Variants in DOCK7 observed in about 807,000 individuals in gnomAD.
DOCK7 encodes dedicator of cytokinesis 7, also known as dedicator of cytokinesis protein 7.
DOCK7 carries 138 observed loss-of-function variants against 271.0 expected under a neutral mutation model. That is an observed-to-expected ratio of 0.51 (90% CI 0.44 to 0.59). DOCK7 has a LOEUF of 0.59. Ranked by LOEUF, DOCK7 falls within the 20% of genes least tolerant of loss-of-function variation. The probability of loss-of-function intolerance (pLI) is 0.00; values close to 1 mark genes in which losing one functional copy is unlikely to be tolerated. For missense variants in DOCK7, 2,066 were observed against 2,592.4 expected, an observed-to-expected ratio of 0.80 and a Z score of 4.41; for synonymous variants, 823 against 876.1, an observed-to-expected ratio of 0.94 and a Z score of 1.07.
chr1:62,684,133 C>T (rs1175730669), intron 1 of DOCK7, among the ~76,000 whole-genome samples: 2 of 151,144 alleles, frequency 1.3e-5, no homozygotes, highest in South Asian at 2.1e-4. Flanking sequence ...CGCCTGAACC[C>T]GGGGCAGTGG....
chr1:62,612,446 A>G (rs888011972), intron 14 of DOCK7, among the ~76,000 whole-genome samples: 4 of 152,168 alleles, frequency 2.6e-5, no homozygotes, highest in Admixed American at 2.0e-4. Flanking sequence ...TAAAACCTAG[A>G]TAACAGATTG....
intron 16 of DOCK7, among the ~76,000 whole-genome samples, chr1:62,582,606 A>ACC (rs1557754286): frequency 1.2e-4 from 17 of 141,032 alleles, no homozygotes; most frequent in Admixed American, 2.2e-4. Context: ...TGGGCCCCAA[A>ACC]AAAAAAAAGA....
chr1:62,628,299 GACAGGT>G (rs1433350490), intron 11 of DOCK7: 3 of 152,214 alleles, frequency 2.0e-5, no homozygotes, highest in Admixed American at 6.5e-5. Context: ...TAACAGGCAG[GACAGGT>G]ACCTGTCCGC....
At chr1:62,462,421 A>G (rs1407044433) in intron 48 of DOCK7, among the ~76,000 whole-genome samples, 2 of 152,254 alleles carry the variant, frequency 1.3e-5, no homozygotes, top group Non-Finnish European at 2.9e-5. Flanking sequence ...AGAGAGCATG[A>G]CATTAGCTGA....
chr1:62,460,591 T>C (rs1259576487), intron 48 of DOCK7, among the ~76,000 whole-genome samples: 3 of 137,140 alleles, frequency 2.2e-5, no homozygotes, highest in African/African-American at 8.2e-5. Context: ...AGAAAACTTG[T>C]GCCAATGTAT....
At chr1:62,661,060 T>C (rs1054659547) in intron 2 of DOCK7, among the ~76,000 whole-genome samples, 1 of 148,246 alleles carries the variant, frequency 6.7e-6, no homozygotes, top group Non-Finnish European at 1.5e-5. Context: ...GATGGTACCA[T>C]GGTACTCAGC....
intron 21 of DOCK7, among the ~76,000 whole-genome samples, chr1:62,554,567 T>C (rs1005663052): frequency 3.3e-5 from 5 of 151,370 alleles, no homozygotes; most frequent in Admixed American, 6.6e-5. Flanking sequence ...CTTTTATTTT[T>C]AAAATAAAAC....
At chr1:62,531,902 A>G (rs7550306) in intron 29 of DOCK7, among the ~76,000 whole-genome samples, 5 of 152,194 alleles carry the variant, frequency 3.3e-5, no homozygotes, top group African/African-American at 1.2e-4. Context: ...ACTGAACAAG[A>G]AAGACAAGGT....
At chr1:62,650,932 A>G (rs1657263230) in intron 4 of DOCK7, among the ~76,000 whole-genome samples, 1 of 152,216 alleles carries the variant, frequency 6.6e-6, no homozygotes, top group African/African-American at 2.4e-5. Flanking sequence ...TGACCCAGCC[A>G]TCCCATTACT....
At chr1:62,589,700 A>G (rs1571669309) in intron 14 of DOCK7, among the ~76,000 whole-genome samples, 2 of 152,102 alleles carry the variant, frequency 1.3e-5, no homozygotes, top group African/African-American at 4.8e-5. Context: ...TTTTTACTTA[A>G]TCTTTTCTGT....
chr1:62,503,119 T>A (rs1571317836), intron 37 of DOCK7, among the ~76,000 whole-genome samples: 1 of 152,124 alleles, frequency 6.6e-6, no homozygotes, highest in South Asian at 2.1e-4. Flanking sequence ...ACAGTAGTTA[T>A]GAGTATTAGT....
Position 62,618,829 on chromosome 1 carries a change from G to C in DOCK7, c.1559C>G (p.Pro520Arg). 6.2e-7 allele frequency: 1 copy of C among 1,613,698 alleles called. No homozygotes were observed. Among genetic ancestry groups the C allele is most frequent in the Non-Finnish European group, 8.5e-7 (1 of 1,179,748 alleles). The change falls in exon 14 of 50, where the codon CCC becomes CGC. Residue 520 changes from proline (P) to arginine (R), a missense_variant. This residue lies in a region of DOCK7 where 1,414 missense variants were observed against 1,670.4 expected (regional missense o/e 0.85). Coordinates refer to ENST00000635253, the MANE Select transcript of DOCK7 (RefSeq NM_001367561.1). ...CAGCTCCGGAGTTAGGCAATAATGG[G>C]GATTTTCAGGTGCGGGAGAAATGTC... is the stretch of plus-strand genomic sequence containing the variant. ...KIDISPAPEN[P>R]HYCLTPELLQ... is the part of the protein sequence containing the mutation.
chr1:62,612,219 T>C (rs1651884178), intron 14 of DOCK7, among the ~76,000 whole-genome samples: 3 of 152,070 alleles, frequency 2.0e-5, no homozygotes. Context: ...TCAAGTGAAA[T>C]GATAGGATGT....
intron 39 of DOCK7, 34 bp from the exon 40 acceptor site, chr1:62,494,501 G>A (rs752914882): frequency 5.1e-6 from 8 of 1,563,870 alleles, no homozygotes; most frequent in Non-Finnish European, 7.0e-6. Flanking sequence ...CCATTAGTAT[G>A]TGCTTCCCAA....
chr1:62,469,566 G>A (rs1645770862), intron 48 of DOCK7, among the ~76,000 whole-genome samples: 1 of 152,128 alleles, frequency 6.6e-6, no homozygotes, highest in Non-Finnish European at 1.5e-5. Flanking sequence ...AAATAGGCAG[G>A]ACTCAATTAA....
chr1:62,629,513 A>G (rs1034117997), intron 11 of DOCK7: 1 of 152,222 alleles, frequency 6.6e-6, no homozygotes, highest in Non-Finnish European at 1.5e-5. Context: ...ATATGTATGA[A>G]ATGTCTGGCA....
intron 42 of DOCK7, 61 bp from the exon 43 acceptor site, chr1:62,487,473 G>T (rs745782364): frequency 1.8e-5 from 26 of 1,484,314 alleles, no homozygotes; most frequent in Non-Finnish European, 2.4e-5. Context: ...GAACAAAAAA[G>T]GCCAAAGGCA....
At chr1:62,535,852 T>C (rs1282047893) in intron 28 of DOCK7, among the ~76,000 whole-genome samples, 1 of 152,192 alleles carries the variant, frequency 6.6e-6, no homozygotes, top group African/African-American at 2.4e-5. Flanking sequence ...CATTGAAAAT[T>C]TAATTATTTT....
chr1:62,547,512 A>T (rs748417755), intron 22 of DOCK7, among the ~76,000 whole-genome samples: 3 of 152,194 alleles, frequency 2.0e-5, no homozygotes, highest in Non-Finnish European at 2.9e-5. Context: ...TGTGACATCA[A>T]CACTTGTGTT....
Sources: gnomAD v4.1 joint callset for allele counts (sites outside exome capture counted in the v4.1 genomes callset) on GRCh38, gnomAD v4.1.1 for gene constraint, gnomAD v4.1.1 regional missense constraint, MANE v1.5 for transcripts, NCBI Gene and HGNC (gene_info 2026-07-23, HGNC 2026-07-21) for gene names.